TRPM5: variants seen among roughly 807,000 people sequenced by gnomAD.
TRPM5 encodes the protein MLSN1 and TRP-related.
In TRPM5, 121 loss-of-function variants were observed where a neutral mutation model predicts 124.9. The observed-to-expected ratio is 0.97, with a 90% confidence interval of 0.84 to 1.13. The LOEUF (loss-of-function observed/expected upper bound fraction) is 1.13, where lower values mean the gene tolerates loss of function less well. Among genes scored for constraint, TRPM5 ranks in the 50% most tolerant of loss-of-function variants. TRPM5 has a pLI of 0.00. For missense variants in TRPM5, 1,643 were observed against 1,589.1 expected (o/e 1.03, Z -0.58); for synonymous variants, 781 against 700.5 (o/e 1.11, Z -1.81).
chr11:2,405,088 C>T (rs747089990), intron 23 of TRPM5, 45 bp from the exon 29 acceptor site: 3 of 1,551,914 alleles, frequency 1.9e-6, no homozygotes, highest in South Asian at 1.1e-5. Context: ...ACCAGCAAGG[C>T]AGGCCCAGGA....
intron 4 of TRPM5, 126 bp downstream of exon 9, chr11:2,420,096 C>T (rs1432458296): frequency 4.9e-5 from 53 of 1,085,450 alleles, no homozygotes; most frequent in Middle Eastern, 3.1e-4. Context: ...CTCAGGCATG[C>T]GGGGTGCGTT....
chr11:2,412,786 C>T lies in TRPM5; in HGVS notation c.2323G>A (p.Val775Ile), dbSNP rs1012341283. Reference sequence around the variant, plus strand: ...ATTTCCTCCAGCACCAGCGTAAAGACCCAGAAGTAGAGGGTGACCTCGGGC... The same window carrying T: ...ATTTCCTCCAGCACCAGCGTAAAGATCCAGAAGTAGAGGGTGACCTCGGGC... Residue 775 changes from valine (V) to isoleucine (I), a missense_variant, in exon 15 of 24, where the codon GTC (valine) becomes ATC (isoleucine). Physicochemically the swap from Val to Ile is conservative, Grantham distance 29. Coordinates refer to ENST00000155858, the Ensembl canonical transcript of TRPM5. The T allele has an allele frequency of 2.5e-6, 4 of 1,607,558 alleles. No individual in the cohort carries two copies. In the Admixed American group the frequency reaches 5.1e-5, roughly 20 times the overall value.
chr11:2,435,420 C>A, the TRPM5 span, among the ~76,000 whole-genome samples: 2 of 152,092 alleles, frequency 1.3e-5, no homozygotes, highest in East Asian at 3.9e-4. This position sits in a 1 kb window ranked among gnomAD's most constrained non-coding sequence, Gnocchi z 4.1. Context: ...CCTCACCCAT[C>A]ACCACCCACC....
chr11:2,424,239 A>G (rs1589877373), upstream of TRPM5, among the ~76,000 whole-genome samples: 1 of 152,200 alleles, frequency 6.6e-6, no homozygotes, highest in African/African-American at 2.4e-5. Context: ...CATTTCCTAG[A>G]GAGGGGCCCA....
At chr11:2,406,687 C>G (rs1334917112) in exon 21 of TRPM5, 1 of 1,612,874 alleles carries the variant, frequency 6.2e-7, no homozygotes, top group Non-Finnish European at 8.5e-7. Context: ...GCAGCACCTC[C>G]CCCTCGCTGT....
In TRPM5 at chr11:2,408,943, C is replaced by G. The variant is rs564881452; in HGVS notation, c.2783-1031G>C. Among the ~76,000 whole-genome samples, 2 of 152,356 alleles carry G rather than the reference C, an allele frequency of 1.3e-5. 1 individual carries two copies. Among genetic ancestry groups the G allele is most frequent in the South Asian group, 4.1e-4 (2 of 4,832 alleles). ...ATGTGTGAGTCTGCGTGTGAGCACA[C>G]TGGCACACACGGGCACATTCAAGTG... On this transcript the variant is annotated intron_variant, in intron 18 of 23. Coordinates refer to ENST00000155858, the Ensembl canonical transcript of TRPM5.
At chr11:2,428,528 T>C in the TRPM5 span, among the ~76,000 whole-genome samples, 13 of 150,904 alleles carry the variant, frequency 8.6e-5, no homozygotes, top group Admixed American at 7.9e-4. This position sits in a 1 kb window ranked among gnomAD's most constrained non-coding sequence, Gnocchi z 4.0. Context: ...GTGACAATGA[T>C]CATGGGGACC....
chr11:2,442,033 C>G, the TRPM5 span, among the ~76,000 whole-genome samples: 1 of 152,108 alleles, frequency 6.6e-6, no homozygotes, highest in African/African-American at 2.4e-5. The surrounding 1 kb of genome is among the most constrained non-coding windows in gnomAD (Gnocchi z 5.9). Context: ...GACCGCCCTG[C>G]CTTTTCACTC....
At chr11:2,417,810 T>G in exon 7 of TRPM5, 1 of 1,513,452 alleles carries the variant, frequency 6.6e-7, no homozygotes, top group Non-Finnish European at 8.9e-7. Context: ...CAGGTGCTGG[T>G]GTGAGGTGAT....
chr11:2,444,229 G>A, the TRPM5 span, among the ~76,000 whole-genome samples: 1 of 152,106 alleles, frequency 6.6e-6, no homozygotes, highest in Non-Finnish European at 1.5e-5. Context: ...CGTATTCGCC[G>A]CCCGCAGCTC....
chr11:2,413,814 G>C (rs1850506484), intron 12 of TRPM5, among the ~76,000 whole-genome samples: 1 of 152,216 alleles, frequency 6.6e-6, no homozygotes, highest in Non-Finnish European at 1.5e-5. Context: ...AAAAGATTGG[G>C]CTTGGGGGTT....
chr11:2,407,896 G>A, exon 19 of TRPM5: 1 of 1,613,802 alleles, frequency 6.2e-7, no homozygotes, highest in African/African-American at 1.3e-5. Context: ...GGTGGGTGGA[G>A]CAGTTCACAC....
exon 22 of TRPM5, chr11:2,406,045 T>C: frequency 6.2e-7 from 1 of 1,612,320 alleles, no homozygotes; most frequent in Non-Finnish European, 8.5e-7. Flanking sequence ...TTGATGCGCT[T>C]TTCTTGCTCT....
At chr11:2,422,114 C>T (rs761303195) in intron 2 of TRPM5, 27 bp downstream of exon 7, 14 of 1,557,438 alleles carry the variant, frequency 9.0e-6, no homozygotes, top group Admixed American at 1.8e-5. Context: ...GGGGTGGGAG[C>T]GCTGCCTGTG....
chr11:2,407,728 G>A, intron 19 of TRPM5, 31 bp downstream of exon 24: 1 of 1,610,242 alleles, frequency 6.2e-7, no homozygotes, highest in Non-Finnish European at 8.5e-7. Context: ...CCGCTCCAGG[G>A]CTCTCTCCTC....
In TRPM5 at chr11:2,418,164, T is replaced by C. The variant is rs1394787783; in HGVS notation, c.906+3A>G. 1 of 1,560,060 alleles carries C rather than the reference T, an allele frequency of 6.4e-7. No homozygotes were observed. The highest frequency in any genetic ancestry group is 2.4e-5 in the East Asian group (1 of 42,536). ...GGAGGACAGGGGAGGGGGCAGCACA[T>C]ACCAGCTTGGTCCAGCGCACGATGT... On this transcript the variant is annotated splice_donor_region_variant and intron_variant, in intron 6 of 23. Transcript: ENST00000155858.
chr11:2,416,065 AG>A, intron 7 of TRPM5, 41 bp from the exon 13 acceptor site: 1 of 1,466,910 alleles, frequency 6.8e-7, no homozygotes, highest in Non-Finnish European at 9.4e-7. Context: ...GGTGGAGCTG[AG>A]GGCCTCACAG....
At chr11:2,411,763 G>C (rs759101309) in exon 17 of TRPM5, 1 of 1,612,522 alleles carries the variant, frequency 6.2e-7, no homozygotes, top group Non-Finnish European at 8.5e-7. Flanking sequence ...GCCGACGGCA[G>C]CATCCTGGAG....
At chr11:2,436,568 C>T in the TRPM5 span, among the ~76,000 whole-genome samples, 1 of 152,224 alleles carries the variant, frequency 6.6e-6, no homozygotes, top group Admixed American at 6.5e-5. Flanking sequence ...GCAGGGGCCC[C>T]GCCAGGGCTG....
Sources: gnomAD v4.1 joint callset for allele counts (sites outside exome capture counted in the v4.1 genomes callset) on GRCh38, gnomAD v4.1.1 for gene constraint, Gnocchi (gnomAD v3.1) non-coding constraint, MANE v1.5 for transcripts, NCBI Gene and HGNC (gene_info 2026-07-23, HGNC 2026-07-21) for gene names.